Variants in ARSB observed in about 807,000 individuals in gnomAD.
ARSB encodes N-acetylgalactosamine-4-sulfatase.
A neutral mutation model predicts 50.9 loss-of-function variants in ARSB; 41 were observed. The ratio of observed to expected loss-of-function variants is 0.81; its 90% CI spans 0.63 to 1.04. The LOEUF is 1.04. ARSB is among the 50% of genes least tolerant of loss of function. The probability of loss-of-function intolerance (pLI) is 0.00; values close to 1 mark genes in which losing one functional copy is unlikely to be tolerated. For synonymous variants in ARSB, 269 were observed against 284.8 expected (o/e 0.94, Z 0.56); for missense variants, 672 against 693.3 (o/e 0.97, Z 0.35).
At chr5:78,962,523 G>GTTTTTT (rs1752033569) in intron 3 of ARSB, among the ~76,000 whole-genome samples, 2 of 89,380 alleles carry the variant, frequency 2.2e-5, no homozygotes, top group African/African-American at 1.1e-4. Context: ...ACATGTGCTC[G>GTTTTTT]ATTTTTTTTT....
chr5:78,912,686 T>C (rs1749360747), intron 4 of ARSB, among the ~76,000 whole-genome samples: 2 of 152,212 alleles, frequency 1.3e-5, no homozygotes, highest in African/African-American at 2.4e-5. Flanking sequence ...TGATGTCACA[T>C]GGCCCATGAG....
Position 78,941,941 on chromosome 5 carries a change from T to G in ARSB, c.898+13354A>C, listed in dbSNP as rs367833832. ...CTCTTTTTGTTTGGTAAGCTATTGA[T>G]TATTGTCACAATTTCAGAGCCTGTT... On this transcript the variant is annotated intron_variant, in intron 4 of 7. Transcript: ENST00000264914. 9.8e-5 allele frequency among the ~76,000 whole-genome samples: 15 copies of G among 152,348 alleles called. No homozygotes were observed. The East Asian group carries it at 1.5e-3, about 16-fold the overall frequency.
At chr5:78,863,172 G>C (rs1746534053) in intron 5 of ARSB, among the ~76,000 whole-genome samples, 2 of 152,196 alleles carry the variant, frequency 1.3e-5, no homozygotes, top group Non-Finnish European at 2.9e-5. Context: ...GTGTAAACTA[G>C]TTCAACCATT....
intron 1 of ARSB, among the ~76,000 whole-genome samples, chr5:78,977,947 T>C (rs1175167329): frequency 2.6e-5 from 4 of 152,174 alleles, no homozygotes; most frequent in Admixed American, 2.6e-4. Context: ...GGAAGTCCAT[T>C]TACAATACCA....
intron 6 of ARSB, among the ~76,000 whole-genome samples, chr5:78,838,264 A>C (rs1745034584): frequency 6.6e-6 from 1 of 152,164 alleles, no homozygotes; most frequent in East Asian, 1.9e-4. Flanking sequence ...TGGGTTTTTA[A>C]GGGATGAGAG....
intron 5 of ARSB, among the ~76,000 whole-genome samples, chr5:78,854,444 C>G (rs1286052342): frequency 2.6e-5 from 4 of 152,138 alleles, no homozygotes; most frequent in Non-Finnish European, 2.9e-5. Flanking sequence ...TCATTTCTTT[C>G]AAGACATTTA....
intron 7 of ARSB, among the ~76,000 whole-genome samples, chr5:78,781,323 C>CTTTTTTT (rs376851173): frequency 0.019 from 1,429 of 75,482 alleles, 4 homozygotes; most frequent in Middle Eastern, 0.027. Context: ...CTCTCTCTCT[C>CTTTTTTT]TTTTTTTTTT....
chr5:78,810,948 A>G (rs1266610014), intron 6 of ARSB, among the ~76,000 whole-genome samples: 4 of 152,258 alleles, frequency 2.6e-5, no homozygotes, highest in African/African-American at 9.6e-5. Flanking sequence ...TAGCAATACA[A>G]GAAAAGTTAG....
chr5:78,834,754 A>T (rs1251509828), intron 6 of ARSB, among the ~76,000 whole-genome samples: 1 of 150,868 alleles, frequency 6.6e-6, no homozygotes, highest in African/African-American at 2.4e-5. Context: ...TGAGTGTACA[A>T]ATACCTGTTC....
intron 6 of ARSB, among the ~76,000 whole-genome samples, chr5:78,817,531 G>A (rs189030541): frequency 7.0e-4 from 107 of 152,192 alleles, no homozygotes; most frequent in African/African-American, 2.3e-3. Context: ...CTGATAGGCC[G>A]GGCGCGGTGG....
intron 4 of ARSB, among the ~76,000 whole-genome samples, chr5:78,907,420 C>T (rs1749113687): frequency 6.6e-6 from 1 of 152,172 alleles, no homozygotes; most frequent in South Asian, 2.1e-4. Flanking sequence ...CCCAGCCACA[C>T]TGGAGTGAGT....
chr5:78,829,032 G>A (rs1019954713), intron 6 of ARSB, among the ~76,000 whole-genome samples: 9 of 152,242 alleles, frequency 5.9e-5, no homozygotes, highest in Non-Finnish European at 1.0e-4. Context: ...GAAGATGGAG[G>A]AAGGAGGCCA....
intron 5 of ARSB, among the ~76,000 whole-genome samples, chr5:78,841,162 C>CTAATAATAATAATAATAATAATAATAA (rs1427792909): frequency 1.6e-3 from 161 of 97,648 alleles, no homozygotes; most frequent in African/African-American, 2.8e-3. Context: ...ACTACTACTA[C>CTAATAATAATAATAATAATAATAATAA]TACTACTAAT....
intron 5 of ARSB, among the ~76,000 whole-genome samples, chr5:78,865,830 C>A (rs1050718371): frequency 6.6e-6 from 1 of 152,196 alleles, no homozygotes; most frequent in Non-Finnish European, 1.5e-5. Flanking sequence ...TGTCACCAAT[C>A]TCTTTGTTAA....
chr5:78,930,657 G>A (rs547190070), intron 4 of ARSB, among the ~76,000 whole-genome samples: 27 of 152,316 alleles, frequency 1.8e-4, no homozygotes, highest in African/African-American at 5.8e-4. Context: ...ACAAGGTTAA[G>A]GATTGTTCTG....
At chr5:78,902,773 G>A (rs1332123622) in intron 4 of ARSB, among the ~76,000 whole-genome samples, 4 of 152,132 alleles carry the variant, frequency 2.6e-5, no homozygotes, top group African/African-American at 9.7e-5. Context: ...AAAGGGAGTT[G>A]GGAGTAACTG....
chr5:78,839,546 A>T (rs979046016), intron 5 of ARSB, 120 bp from the exon 6 acceptor site: 15 of 911,640 alleles, frequency 1.6e-5, no homozygotes, highest in Non-Finnish European at 2.6e-5. Flanking sequence ...CAACTCTGTC[A>T]TGAATTTGGA....
intron 5 of ARSB, among the ~76,000 whole-genome samples, chr5:78,877,294 C>T (rs1326879145): frequency 6.6e-6 from 1 of 152,148 alleles, no homozygotes; most frequent in Non-Finnish European, 1.5e-5. Context: ...TCTGCAGTTG[C>T]CTAATAAATC....
intron 5 of ARSB, among the ~76,000 whole-genome samples, chr5:78,871,853 G>A (rs62379684): frequency 0.19 from 19,448 of 104,926 alleles, 2,338 homozygotes; most frequent in Non-Finnish European, 0.26. Context: ...GCACAGCAAA[G>A]GAAACTACCA....
Sources: gnomAD v4.1 joint callset for allele counts (sites outside exome capture counted in the v4.1 genomes callset) on GRCh38, gnomAD v4.1.1 for gene constraint, MANE v1.5 for transcripts, NCBI Gene and HGNC (gene_info 2026-07-23, HGNC 2026-07-21) for gene names.